The following GRK5 variants were observed in gnomAD, a reference collection of about 807,000 sequenced individuals.
GRK5 encodes G protein-coupled receptor kinase 5.
In GRK5, 40 loss-of-function variants were observed where a neutral mutation model predicts 78.4. The observed-to-expected ratio is 0.51, with a 90% confidence interval of 0.40 to 0.66. The LOEUF is 0.66. Among genes scored for constraint, GRK5 ranks in the 30% least tolerant of loss-of-function variants. The pLI is 0.00. For synonymous variants in GRK5, 289 were observed against 296.8 expected (o/e 0.97, Z 0.27); for missense variants, 598 against 759.9 (o/e 0.79, Z 2.50).
chr10:119,434,802 CTGTG>C (rs1490199706), intron 8 of GRK5, among the ~76,000 whole-genome samples: 4 of 152,246 alleles, frequency 2.6e-5, no homozygotes, highest in African/African-American at 9.6e-5. Flanking sequence ...AGTAGGGACT[CTGTG>C]TGGGGTCTCT....
Position 119,368,450 on chromosome 10 carries a change from G to A in GRK5, c.149-12365G>A, listed in dbSNP as rs1365493014. Among the ~76,000 whole-genome samples the A allele has an allele frequency of 2.6e-5, 4 of 152,314 alleles. No homozygotes were observed. The East Asian group carries it at 5.8e-4, about 22-fold the overall frequency. Reference sequence around the variant, plus strand: ...GGTGAACCCTCCTTGGGGCTCTGACGCTGGAGAAAGGCCCCATGCCCTGTG... The same window carrying A: ...GGTGAACCCTCCTTGGGGCTCTGACACTGGAGAAAGGCCCCATGCCCTGTG... On this transcript the variant is annotated intron_variant, in intron 2 of 15. Coordinates refer to ENST00000392870, the MANE Select transcript of GRK5 (RefSeq NM_005308.3).
At chr10:119,288,071 C>T (rs1389724292) in intron 1 of GRK5, among the ~76,000 whole-genome samples, 4 of 152,228 alleles carry the variant, frequency 2.6e-5, no homozygotes, top group Non-Finnish European at 5.9e-5. Flanking sequence ...TAGCCCAGAG[C>T]GGGGAGGCCG....
Position 119,430,151 on chromosome 10 carries a change from G to A in GRK5, c.534-224G>A, listed in dbSNP as rs528509182. Among the ~76,000 whole-genome samples the A allele has an allele frequency of 6.6e-6, 1 of 152,272 alleles. No homozygotes were observed. The highest frequency in any genetic ancestry group is 2.4e-5 in the African/African-American group (1 of 41,548). The stretch of plus-strand genomic sequence containing the variant: ...AGGCTTGTGCATCCCCCAGCTTGCA[G>A]GGGGCTGGGGGCTGGGGGCCAGGGG... On this transcript the variant is annotated intron_variant, in intron 6 of 15. Coordinates refer to ENST00000392870, the MANE Select transcript of GRK5 (RefSeq NM_005308.3). This position sits in a 1 kb window ranked among gnomAD's most constrained non-coding sequence, Gnocchi z 4.5.
intron 1 of GRK5, among the ~76,000 whole-genome samples, chr10:119,221,857 T>C (rs745726594): frequency 1.1e-4 from 17 of 152,214 alleles, no homozygotes; most frequent in Non-Finnish European, 2.1e-4. Flanking sequence ...GGACTTAACA[T>C]CCCTCACCTC....
intron 3 of GRK5, among the ~76,000 whole-genome samples, chr10:119,393,535 A>G (rs1234289306): frequency 6.6e-6 from 1 of 152,206 alleles, no homozygotes; most frequent in Non-Finnish European, 1.5e-5. Flanking sequence ...AGTTACCCCA[A>G]ATGATGGCCG....
At chr10:119,272,770 G>C (rs1849605561) in intron 1 of GRK5, among the ~76,000 whole-genome samples, 1 of 152,104 alleles carries the variant, frequency 6.6e-6, no homozygotes, top group Admixed American at 6.6e-5. Context: ...CACAGAATCT[G>C]GAGTGGGGAG....
chr10:119,394,313 C>CGTGTGTGTGTGTGTGTGT (rs1308713917), intron 3 of GRK5, among the ~76,000 whole-genome samples: 1 of 4,274 alleles, frequency 2.3e-4, no homozygotes, highest in Non-Finnish European at 4.7e-4. Context: ...TGTGTGGGCA[C>CGTGTGTGTGTGTGTGTGT]GTGGGTGTGT....
chr10:119,361,456 G>A (rs954130878), intron 2 of GRK5, among the ~76,000 whole-genome samples: 2 of 152,238 alleles, frequency 1.3e-5, no homozygotes, highest in African/African-American at 2.4e-5. Context: ...AGTAGGCCTT[G>A]TTCTCTGCAC....
intron 2 of GRK5, among the ~76,000 whole-genome samples, chr10:119,359,843 TCATGCAGCAAGTCC>T (rs1235125567): frequency 6.6e-6 from 1 of 152,148 alleles, no homozygotes; most frequent in Non-Finnish European, 1.5e-5. Context: ...AGGTGTGGGT[TCATGCAGCAAGTCC>T]CATGCAGAGT....
intron 4 of GRK5, among the ~76,000 whole-genome samples, chr10:119,414,799 TG>T (rs1227888186): frequency 6.6e-6 from 1 of 151,998 alleles, no homozygotes; most frequent in Non-Finnish European, 1.5e-5. Context: ...AAGGCAATGA[TG>T]GCCGGGTGTG....
intron 1 of GRK5, chr10:119,211,764 C>T (rs920305859): frequency 3.3e-5 from 5 of 152,192 alleles, no homozygotes; most frequent in Non-Finnish European, 7.3e-5. Context: ...AGATTAGCAC[C>T]TCGGGGCCTG....
chr10:119,266,762 G>T (rs549593347), intron 1 of GRK5, among the ~76,000 whole-genome samples: 16 of 139,666 alleles, frequency 1.1e-4, no homozygotes, highest in South Asian at 7.9e-4. Flanking sequence ...TTGGGTGGGT[G>T]GGGGGGAAGA....
chr10:119,306,753 T>G (rs1850277339), intron 1 of GRK5, among the ~76,000 whole-genome samples: 1 of 152,112 alleles, frequency 6.6e-6, no homozygotes, highest in Non-Finnish European at 1.5e-5. Context: ...TGCAGGTGTT[T>G]CCTGCAGACA....
intron 1 of GRK5, among the ~76,000 whole-genome samples, chr10:119,292,183 TC>T (rs1251571890): frequency 4.4e-5 from 6 of 137,920 alleles, no homozygotes; most frequent in South Asian, 2.6e-4. Context: ...CTCTTCCTCC[TC>T]CTCCTCTTCC....
chr10:119,451,299 A>G (rs538762506), intron 13 of GRK5, among the ~76,000 whole-genome samples: 24 of 152,142 alleles, frequency 1.6e-4, no homozygotes, highest in African/African-American at 5.3e-4. Context: ...CAAGGAAATA[A>G]TAGCCATGAA....
chr10:119,420,484 A>G (rs1852549909), intron 4 of GRK5, among the ~76,000 whole-genome samples: 1 of 151,918 alleles, frequency 6.6e-6, no homozygotes. Flanking sequence ...ACCTTATAAT[A>G]TATCATTTCT....
rs201715604 is a variant in GRK5, at chr10:119,326,518, G to A, written c.55G>A (p.Gly19Ser). 25 of 1,613,708 alleles carry A rather than the reference G, an allele frequency of 1.5e-5. No homozygotes were observed. The highest frequency in any genetic ancestry group is 1.9e-5 in the Non-Finnish European group (23 of 1,179,738). The change falls in exon 2 of 16, where the codon GGC (glycine) becomes AGC (serine). Residue 19 changes from glycine (G) to serine (S), a missense_variant and splice_region_variant. Coordinates refer to ENST00000392870, the MANE Select transcript of GRK5 (RefSeq NM_005308.3). Reference protein sequence around the residue: ...NTVLLKAREGGGGKRKGKSKK... With the variant: ...NTVLLKAREGSGGKRKGKSKK... The stretch of plus-strand genomic sequence containing the variant: ...CATCTTTTTCCCCATCTCTGCAGGG[G>A]GCGGAGGAAAGCGCAAAGGGAAAAG...
At chr10:119,298,839 AC>A (rs1463995456) in intron 1 of GRK5, among the ~76,000 whole-genome samples, 1 of 150,120 alleles carries the variant, frequency 6.7e-6, no homozygotes, top group Non-Finnish European at 1.5e-5. Flanking sequence ...AATTCCATTT[AC>A]CCCCCAGCCA....
intron 2 of GRK5, among the ~76,000 whole-genome samples, chr10:119,344,874 CTT>C (rs1851054318): frequency 1.7e-4 from 12 of 69,742 alleles, no homozygotes; most frequent in African/African-American, 6.1e-4. Flanking sequence ...AAGACCCACC[CTT>C]CCTTCCTTCC....
Sources: gnomAD v4.1 joint callset for allele counts (sites outside exome capture counted in the v4.1 genomes callset) on GRCh38, gnomAD v4.1.1 for gene constraint, Gnocchi (gnomAD v3.1) non-coding constraint, MANE v1.5 for transcripts, NCBI Gene and HGNC (gene_info 2026-07-23, HGNC 2026-07-21) for gene names.